The following GMDS variants were observed in gnomAD, a reference collection of about 807,000 sequenced individuals.
GMDS encodes the protein GDP-mannose 4,6-dehydratase.
GMDS carries 20 observed loss-of-function variants against 49.9 expected under a neutral mutation model. That is an observed-to-expected ratio of 0.40 (90% CI 0.28 to 0.58). The LOEUF is 0.58. Ranked by LOEUF, GMDS falls within the 20% of genes least tolerant of loss-of-function variation. The pLI is 0.42. For synonymous variants in GMDS, 177 were observed against 178.6 expected (o/e 0.99, Z 0.07); for missense variants, 362 against 481.4 (o/e 0.75, Z 2.32).
intron 7 of GMDS, among the ~76,000 whole-genome samples, chr6:1,846,219 A>C (rs1757406342): frequency 6.6e-6 from 1 of 151,776 alleles, no homozygotes; most frequent in Non-Finnish European, 1.5e-5. Context: ...CAGCCTCCCA[A>C]GTAGTGGGGG....
intron 9 of GMDS, among the ~76,000 whole-genome samples, chr6:1,694,964 C>G (rs1364721017): frequency 2.0e-5 from 3 of 152,176 alleles, no homozygotes; most frequent in African/African-American, 7.2e-5. Context: ...CACAATACCA[C>G]AGAGGAGGGT....
intron 9 of GMDS, among the ~76,000 whole-genome samples, chr6:1,683,043 C>G (rs1581453010): frequency 6.6e-6 from 1 of 151,956 alleles, no homozygotes; most frequent in Non-Finnish European, 1.5e-5. Flanking sequence ...ACGTGGGAGT[C>G]TCACTATGCC....
At chr6:2,091,688 A>G (rs1220029272) in intron 4 of GMDS, among the ~76,000 whole-genome samples, 1 of 152,150 alleles carries the variant, frequency 6.6e-6, no homozygotes, top group Admixed American at 6.5e-5. Flanking sequence ...GTGGGAGGAT[A>G]ACTGGAGCCC....
intron 4 of GMDS, among the ~76,000 whole-genome samples, chr6:2,114,926 C>T (rs1467950182): frequency 6.6e-6 from 1 of 151,476 alleles, no homozygotes; most frequent in African/African-American, 2.4e-5. Flanking sequence ...AATAAGACTC[C>T]TGTACTTGTT....
intron 7 of GMDS, among the ~76,000 whole-genome samples, chr6:1,855,261 G>A (rs1757893163): frequency 6.6e-6 from 1 of 152,218 alleles, no homozygotes; most frequent in Admixed American, 6.5e-5. Flanking sequence ...TCCCAGAGCT[G>A]TTAGCCATTC....
chr6:2,161,405 G>A (rs1178972876), intron 1 of GMDS, among the ~76,000 whole-genome samples: 1 of 152,114 alleles, frequency 6.6e-6, no homozygotes, highest in Admixed American at 6.5e-5. Context: ...AGTAACAAAT[G>A]ACACGACTGA....
chr6:1,804,190 G>A (rs1207780221), intron 7 of GMDS, among the ~76,000 whole-genome samples: 1 of 152,148 alleles, frequency 6.6e-6, no homozygotes, highest in Non-Finnish European at 1.5e-5. Context: ...ATGCTTTATG[G>A]TCAATTTGAT....
rs2127568945 is a variant in GMDS at position 2,191,033 on chromosome 6, C to A, written c.102+54288G>T. 2.6e-5 allele frequency among the ~76,000 whole-genome samples: 4 copies of A among 152,180 alleles called. No homozygotes were observed. In the Middle Eastern group the frequency reaches 0.01, roughly 388 times the overall value. On this transcript the variant is annotated intron_variant, in intron 1 of 10. Coordinates refer to ENST00000380815, the MANE Select transcript of GMDS (RefSeq NM_001500.4). This position sits in a 1 kb window ranked among gnomAD's most constrained non-coding sequence, Gnocchi z 4.6. The stretch of plus-strand genomic sequence containing the variant: ...CCAGGAGGAGGCAGCACTGGGGGAC[C>A]CAGGGCGGGAGGGGGAAATGGGAGC...
At chr6:2,068,394 T>C (rs1052114585) in intron 4 of GMDS, among the ~76,000 whole-genome samples, 80 of 151,786 alleles carry the variant, frequency 5.3e-4, no homozygotes, top group Admixed American at 1.6e-3. Context: ...CTATTCAACA[T>C]AGTGTTGGAA....
intron 7 of GMDS, among the ~76,000 whole-genome samples, chr6:1,917,940 G>A (rs998587377): frequency 1.6e-4 from 24 of 152,206 alleles, no homozygotes; most frequent in African/African-American, 5.1e-4. Context: ...TCACACTCAC[G>A]AGGGACAGAA....
intron 9 of GMDS, among the ~76,000 whole-genome samples, chr6:1,678,302 C>G (rs373616300): frequency 7.2e-5 from 11 of 152,264 alleles, no homozygotes; most frequent in Admixed American, 5.2e-4. Flanking sequence ...TAGTCCACAC[C>G]GCGTCTGTAG....
chr6:1,867,346 T>G (rs1440817181), intron 7 of GMDS, among the ~76,000 whole-genome samples: 1 of 152,234 alleles, frequency 6.6e-6, no homozygotes, highest in Non-Finnish European at 1.5e-5. Context: ...CGAAAACATA[T>G]TTTACTTATA....
At chr6:2,081,951 G>A (rs578041474) in intron 4 of GMDS, among the ~76,000 whole-genome samples, 10 of 152,230 alleles carry the variant, frequency 6.6e-5, no homozygotes, top group African/African-American at 2.2e-4. Context: ...CAAGCAGAAT[G>A]TGGTGTAACA....
chr6:2,240,988 A>C (rs1484877601), intron 1 of GMDS, among the ~76,000 whole-genome samples: 1 of 152,208 alleles, frequency 6.6e-6, no homozygotes, highest in Non-Finnish European at 1.5e-5. Flanking sequence ...TCACCTGCTA[A>C]AGAGGTTGGC....
At chr6:1,904,374 C>T (rs374798204) in intron 7 of GMDS, among the ~76,000 whole-genome samples, 3 of 152,132 alleles carry the variant, frequency 2.0e-5, no homozygotes, top group Admixed American at 1.3e-4. Flanking sequence ...TCTGTGTGGC[C>T]GTCTGTCCTT....
intron 7 of GMDS, among the ~76,000 whole-genome samples, chr6:1,788,995 T>C (rs962141257): frequency 1.3e-5 from 2 of 152,172 alleles, no homozygotes; most frequent in Admixed American, 1.3e-4. Flanking sequence ...TATAACCAAC[T>C]GGTTATAAAC....
intron 7 of GMDS, among the ~76,000 whole-genome samples, chr6:1,791,190 T>C (rs959379821): frequency 6.6e-6 from 1 of 152,196 alleles, no homozygotes; most frequent in African/African-American, 2.4e-5. Context: ...ATAACACTCA[T>C]TTGGACTTCT....
At chr6:1,782,806 G>C (rs916492683) in intron 7 of GMDS, among the ~76,000 whole-genome samples, 3 of 152,196 alleles carry the variant, frequency 2.0e-5, no homozygotes, top group African/African-American at 7.2e-5. Flanking sequence ...GTGTGAACTT[G>C]TCTAATTCTC....
chr6:2,035,541 C>G (rs572247786), intron 4 of GMDS, among the ~76,000 whole-genome samples: 10 of 152,146 alleles, frequency 6.6e-5, no homozygotes, highest in Non-Finnish European at 1.2e-4. Context: ...TATCCCCCAT[C>G]ATACATACCA....
Sources: allele counts gnomAD v4.1 joint callset (sites outside exome capture counted in the v4.1 genomes callset), GRCh38; gene constraint gnomAD v4.1.1; non-coding constraint Gnocchi (gnomAD v3.1); transcripts MANE v1.5; gene names NCBI Gene and HGNC (gene_info 2026-07-23, HGNC 2026-07-21).